The following B3GAT2 variants were observed in gnomAD, a reference collection of about 807,000 sequenced individuals.
B3GAT2 encodes beta-1,3-glucuronyltransferase 2.
A neutral mutation model predicts 27.8 loss-of-function variants in B3GAT2; 26 were observed. The ratio of observed to expected loss-of-function variants is 0.93; its 90% CI spans 0.68 to 1.30. The LOEUF is 1.30. Among genes scored for constraint, B3GAT2 ranks in the 50% most tolerant of loss-of-function variants. The pLI, the probability that B3GAT2 is intolerant of heterozygous loss-of-function variation, is 0.00. For missense variants in B3GAT2, 458 were observed against 459.0 expected, an observed-to-expected ratio of 1.00 and a Z score of 0.02; for synonymous variants, 218 against 195.1, an observed-to-expected ratio of 1.12 and a Z score of -0.98.
intron 2 of B3GAT2, among the ~76,000 whole-genome samples, chr6:70,865,839 T>C (rs1021874605): frequency 1.4e-4 from 21 of 152,134 alleles, no homozygotes; most frequent in African/African-American, 5.1e-4. Flanking sequence ...AAGAGGCACA[T>C]GAGACAGAGA....
At chr6:70,945,740 C>T (rs1278004481) in intron 1 of B3GAT2, among the ~76,000 whole-genome samples, 10 of 148,276 alleles carry the variant, frequency 6.7e-5, no homozygotes, top group Middle Eastern at 3.5e-3. Flanking sequence ...AGATACTCCT[C>T]GAGAAGAGCA....
At chr6:70,869,389 C>T (rs2150022990) in intron 2 of B3GAT2, among the ~76,000 whole-genome samples, 1 of 152,264 alleles carries the variant, frequency 6.6e-6, no homozygotes, top group South Asian at 2.1e-4. Flanking sequence ...GAGTTCATCA[C>T]TTTCCATATC....
At chr6:70,894,617 G>A (rs917178071) in intron 1 of B3GAT2, among the ~76,000 whole-genome samples, 3 of 152,146 alleles carry the variant, frequency 2.0e-5, no homozygotes, top group East Asian at 1.9e-4. Context: ...TCTATCTTCC[G>A]AGGTGAGAAA....
chr6:70,865,074 G>T (rs532002022), intron 2 of B3GAT2, among the ~76,000 whole-genome samples: 1 of 152,288 alleles, frequency 6.6e-6, no homozygotes, highest in Admixed American at 6.5e-5. Context: ...ACTAACCTCA[G>T]ATTAAAAATA....
chr6:70,940,485 T>C (rs1342490348), intron 1 of B3GAT2, among the ~76,000 whole-genome samples: 1 of 151,962 alleles, frequency 6.6e-6, no homozygotes, highest in African/African-American at 2.4e-5. Flanking sequence ...CTTCTAATCA[T>C]GTGCTCAAAA....
chr6:70,945,390 A>G (rs62421562), intron 1 of B3GAT2, among the ~76,000 whole-genome samples: 108,919 of 151,778 alleles, frequency 0.72, 39,401 homozygotes, highest in African/African-American at 0.77. Context: ...GAGCTGATGG[A>G]GCTGAAAGCC....
rs375933933 is a variant in B3GAT2 at position 70,901,288 on chromosome 6, C to A, written c.592-7016G>T. Among the ~76,000 whole-genome samples the A allele has an allele frequency of 9.9e-5, 15 of 152,208 alleles. No individual in the cohort carries two copies. In the East Asian group the frequency reaches 2.3e-3, roughly 24 times the overall value. ...TCATAAATCGTGTTGATAGTATGTA[C>A]CCTTGCTATGATGTGATGGGAATGA... On this transcript the variant is annotated intron_variant, in intron 1 of 3. Coordinates refer to ENST00000230053, the MANE Select transcript of B3GAT2 (RefSeq NM_080742.3).
In B3GAT2 at chr6:70,956,247, G is replaced by A. The variant is rs199861185; in HGVS notation, c.183C>T (p.His61=). The A allele has an allele frequency of 1.1e-4, 172 of 1,611,372 alleles. No homozygotes were observed. Among genetic ancestry groups the A allele is most frequent in the Non-Finnish European group, 1.3e-4 (152 of 1,178,710 alleles). ...GAGACTGGTTGCGCTTTTGGGTCCC[G>A]TGAGCCGGGCCGCCCCTGCGGAGCG... is the stretch of plus-strand genomic sequence containing the variant. ...RLPLRRGGPA[H]GTQKRNQSRP... The change falls in exon 1 of 4, where the codon CAC becomes CAT. Residue 61 remains histidine, a synonymous_variant. Transcript: ENST00000230053.
chr6:70,949,844 C>CA (rs550933577), intron 1 of B3GAT2, among the ~76,000 whole-genome samples: 43 of 151,654 alleles, frequency 2.8e-4, no homozygotes, highest in African/African-American at 9.9e-4. Context: ...GAAAATGTGG[C>CA]ATATATACAC....
intron 1 of B3GAT2, among the ~76,000 whole-genome samples, chr6:70,926,574 C>T (rs1168988424): frequency 6.6e-6 from 1 of 152,070 alleles, no homozygotes; most frequent in Non-Finnish European, 1.5e-5. Context: ...GAAAGGGTAT[C>T]AGAGATTGAA....
At chr6:70,899,984 C>A (rs1439916031) in intron 1 of B3GAT2, among the ~76,000 whole-genome samples, 4 of 152,232 alleles carry the variant, frequency 2.6e-5, no homozygotes, top group African/African-American at 9.6e-5. Flanking sequence ...GTGTGAACTC[C>A]AATCTAAAAC....
chr6:70,864,770 C>T (rs1771823034), intron 2 of B3GAT2, among the ~76,000 whole-genome samples: 2 of 152,148 alleles, frequency 1.3e-5, no homozygotes, highest in South Asian at 4.1e-4. Context: ...AATCCTAAAC[C>T]ATTGATTTCC....
chr6:70,934,039 G>T lies in B3GAT2; in HGVS notation c.591+21800C>A, dbSNP rs551460333. 3.9e-5 allele frequency among the ~76,000 whole-genome samples: 6 copies of T among 152,272 alleles called. No homozygotes were observed. In the East Asian group the frequency reaches 1.2e-3, roughly 29 times the overall value. Reference sequence around the variant, plus strand: ...TGCACACATCTGAATGCCAAGGGTGGGACCCAGAACGCAGTAAAAAATGAA... The same window carrying T: ...TGCACACATCTGAATGCCAAGGGTGTGACCCAGAACGCAGTAAAAAATGAA... On this transcript the variant is annotated intron_variant, in intron 1 of 3. Coordinates refer to ENST00000230053, the MANE Select transcript of B3GAT2 (RefSeq NM_080742.3).
intron 2 of B3GAT2, among the ~76,000 whole-genome samples, chr6:70,862,981 G>T (rs756742475): frequency 2.0e-5 from 3 of 152,018 alleles, no homozygotes; most frequent in Non-Finnish European, 4.4e-5. Context: ...CTGTCTCAAA[G>T]AAAAAAGAAT....
At chr6:70,900,396 A>AC (rs1442303027) in intron 1 of B3GAT2, among the ~76,000 whole-genome samples, 7 of 145,560 alleles carry the variant, frequency 4.8e-5, no homozygotes, top group African/African-American at 1.7e-4. Context: ...GTGGCCCTTA[A>AC]CAACAACCGG....
At chr6:70,865,780 T>C (rs538151533) in intron 2 of B3GAT2, among the ~76,000 whole-genome samples, 91 of 152,222 alleles carry the variant, frequency 6.0e-4, no homozygotes, top group African/African-American at 2.1e-3. Flanking sequence ...TTGTTTTAAA[T>C]AACAAAAAGG....
chr6:70,892,258 T>C (rs1296394642), intron 2 of B3GAT2, among the ~76,000 whole-genome samples: 5 of 152,230 alleles, frequency 3.3e-5, no homozygotes, highest in African/African-American at 1.2e-4. Context: ...CAGTCCTAGA[T>C]AGGCCAGCCC....
chr6:70,916,213 G>C (rs1238668817), intron 1 of B3GAT2, among the ~76,000 whole-genome samples: 1 of 151,984 alleles, frequency 6.6e-6, no homozygotes, highest in African/African-American at 2.4e-5. Flanking sequence ...TCTGTTCTTG[G>C]TGGATAGGAA....
rs757448478 is a variant in B3GAT2 at position 70,856,897 on chromosome 6, A to G, written c.*4766T>C. On this transcript the variant is annotated 3_prime_UTR_variant, in exon 4 of 4. Transcript: ENST00000230053. ...CACCAGCAGCTGCAACCCTGTCTAC[A>G]GTAACATCTGGGGATCTAGATTTAT... The G allele has an allele frequency of 4.4e-5, 71 of 1,613,738 alleles. No homozygotes were observed. The highest frequency in any genetic ancestry group is 5.8e-5 in the Non-Finnish European group (68 of 1,179,820).
Sources: gnomAD v4.1 joint callset for allele counts (sites outside exome capture counted in the v4.1 genomes callset) on GRCh38, gnomAD v4.1.1 for gene constraint, MANE v1.5 for transcripts, NCBI Gene and HGNC (gene_info 2026-07-23, HGNC 2026-07-21) for gene names.